Variants in LRP1B observed in about 807,000 individuals in gnomAD.
LRP1B encodes the protein LDL receptor related protein 1B.
A neutral mutation model predicts 556.6 loss-of-function variants in LRP1B; 217 were observed. The observed-to-expected ratio is 0.39, with a 90% CI of 0.35 to 0.44. The LOEUF (loss-of-function observed/expected upper bound fraction) is 0.44. LRP1B is among the 20% of genes least tolerant of loss of function. The pLI, the probability that LRP1B is intolerant of heterozygous loss-of-function variation, is 1.00. For synonymous variants in LRP1B, 2,047 were observed against 1,865.8 expected (o/e 1.10, Z -2.50); for missense variants, 5,053 against 5,620.8 (o/e 0.90, Z 3.23).
intron 25 of LRP1B, among the ~76,000 whole-genome samples, chr2:140,882,104 C>T (rs1693493883): frequency 6.6e-6 from 1 of 152,096 alleles, no homozygotes; most frequent in African/African-American, 2.4e-5. Flanking sequence ...GGTATACATG[C>T]TAGGACTACA....
intron 7 of LRP1B, among the ~76,000 whole-genome samples, chr2:141,107,118 C>A (rs1213389067): frequency 3.3e-5 from 5 of 151,074 alleles, no homozygotes; most frequent in African/African-American, 4.9e-5. Flanking sequence ...TAATAGTCTT[C>A]CTTATGTGAT....
intron 6 of LRP1B, among the ~76,000 whole-genome samples, chr2:141,197,711 G>T (rs1681814767): frequency 1.3e-5 from 2 of 152,182 alleles, no homozygotes; most frequent in South Asian, 2.1e-4. Flanking sequence ...CAGTTTCCAG[G>T]AGGGAAATAT....
chr2:141,174,052 C>T (rs1401184608), intron 7 of LRP1B, among the ~76,000 whole-genome samples: 2 of 151,468 alleles, frequency 1.3e-5, no homozygotes, highest in South Asian at 2.1e-4. Context: ...ATTATGCAAG[C>T]ACTACATTTA....
intron 1 of LRP1B, among the ~76,000 whole-genome samples, chr2:141,845,078 C>G (rs2105765583): frequency 1.3e-5 from 2 of 151,284 alleles, no homozygotes; most frequent in Admixed American, 1.3e-4. Flanking sequence ...TAATAGGTGG[C>G]AAATGATTCC....
At chr2:140,928,567 T>C (rs370418420) in intron 20 of LRP1B, among the ~76,000 whole-genome samples, 38 of 152,088 alleles carry the variant, frequency 2.5e-4, no homozygotes, top group East Asian at 1.7e-3. Flanking sequence ...TCACAATTCA[T>C]TGACCAAACC....
At chr2:141,199,392 T>G (rs1024047722) in intron 6 of LRP1B, among the ~76,000 whole-genome samples, 2 of 152,178 alleles carry the variant, frequency 1.3e-5, no homozygotes, top group Admixed American at 6.5e-5. Flanking sequence ...CGGCAGGTTT[T>G]ACTCTAAATC....
chr2:141,320,826 A>T (rs1687211310), intron 3 of LRP1B, among the ~76,000 whole-genome samples: 1 of 152,102 alleles, frequency 6.6e-6, no homozygotes, highest in African/African-American at 2.4e-5. Context: ...TTCATTGTGT[A>T]TTATTAAATG....
chr2:141,471,637 C>T (rs1394666679), intron 3 of LRP1B, among the ~76,000 whole-genome samples: 4 of 152,134 alleles, frequency 2.6e-5, no homozygotes, highest in Non-Finnish European at 4.4e-5. Flanking sequence ...AGATGTTTCT[C>T]GTCTTATTCT....
At chr2:140,649,150 C>T (rs1684586359) in intron 41 of LRP1B, among the ~76,000 whole-genome samples, 1 of 152,134 alleles carries the variant, frequency 6.6e-6, no homozygotes, top group African/African-American at 2.4e-5. Flanking sequence ...GCCAACACTA[C>T]ATATGAGATA....
chr2:141,186,100 C>A lies in LRP1B; in HGVS notation c.1013+2321G>T, dbSNP rs1030788761. Among the ~76,000 whole-genome samples, 582 of 68,546 alleles carry A rather than the reference C, an allele frequency of 8.5e-3. 4 individuals are homozygous for A. The highest frequency in any genetic ancestry group is 0.025 in the African/African-American group (550 of 21,774). 45.0% of individuals were successfully genotyped at this position (68,546 alleles called of 152,430 possible). On this transcript the variant is annotated intron_variant, in intron 7 of 90. Coordinates refer to ENST00000389484, the MANE Select transcript of LRP1B (RefSeq NM_018557.3). ...TCTCAAAAAAAAAAAAAAAAAAAAA[C>A]CAGTATGCTTAAGTAACAGGTACTT...
intron 18 of LRP1B, among the ~76,000 whole-genome samples, chr2:140,961,539 T>C (rs114503040): frequency 2.6e-5 from 4 of 152,068 alleles, no homozygotes; most frequent in African/African-American, 4.8e-5. Flanking sequence ...ACACAAGCAA[T>C]ATTTTCATAA....
intron 3 of LRP1B, among the ~76,000 whole-genome samples, chr2:141,315,038 C>A (rs1474916754): frequency 6.7e-6 from 1 of 150,108 alleles, no homozygotes; most frequent in African/African-American, 2.4e-5. Context: ...TTACCCATCT[C>A]CTTACAGTAT....
At chr2:141,616,297 A>G (rs935826161) in intron 2 of LRP1B, among the ~76,000 whole-genome samples, 7 of 151,980 alleles carry the variant, frequency 4.6e-5, no homozygotes, top group African/African-American at 9.6e-5. Flanking sequence ...ATAAAAAAAA[A>G]AAAAGAAAAA....
At chr2:140,721,334 T>G (rs1687392331) in intron 35 of LRP1B, among the ~76,000 whole-genome samples, 1 of 152,152 alleles carries the variant, frequency 6.6e-6, no homozygotes, top group Non-Finnish European at 1.5e-5. Flanking sequence ...ATGTCACATT[T>G]CTTTTTAAAC....
chr2:140,654,993 C>T (rs1157666683), intron 41 of LRP1B, among the ~76,000 whole-genome samples: 2 of 149,572 alleles, frequency 1.3e-5, no homozygotes, highest in East Asian at 3.9e-4. Flanking sequence ...CACAGTAGCC[C>T]TGAGGTTAAA....
intron 3 of LRP1B, among the ~76,000 whole-genome samples, chr2:141,380,964 C>T (rs1349320899): frequency 2.6e-5 from 4 of 151,816 alleles, no homozygotes; most frequent in African/African-American, 4.8e-5. Flanking sequence ...ATGTGAAGAC[C>T]GGGCGAGGTG....
chr2:140,327,019 AC>A (rs2105067114), intron 79 of LRP1B, among the ~76,000 whole-genome samples: 1 of 152,140 alleles, frequency 6.6e-6, no homozygotes, highest in East Asian at 1.9e-4. Context: ...ATTCTATAAT[AC>A]ATCTTCACTG....
intron 27 of LRP1B, among the ~76,000 whole-genome samples, chr2:140,858,226 C>T (rs1208198529): frequency 6.6e-6 from 1 of 151,840 alleles, no homozygotes; most frequent in Non-Finnish European, 1.5e-5. Context: ...TTATCTGGCC[C>T]AAAATATGTA....
chr2:141,464,178 GCAT>G (rs1682067675), intron 3 of LRP1B, among the ~76,000 whole-genome samples: 1 of 151,946 alleles, frequency 6.6e-6, no homozygotes, highest in African/African-American at 2.4e-5. Context: ...CAAAAAAGAA[GCAT>G]AACACCACAC....
Sources: gnomAD v4.1 joint callset for allele counts (sites outside exome capture counted in the v4.1 genomes callset) on GRCh38, gnomAD v4.1.1 for gene constraint, MANE v1.5 for transcripts, NCBI Gene and HGNC (gene_info 2026-07-23, HGNC 2026-07-21) for gene names.